The following ERN2 variants were observed in gnomAD, a reference collection of about 807,000 sequenced individuals.
ERN2 encodes endoplasmic reticulum to nucleus signaling 2, also known as serine/threonine-protein kinase/endoribonuclease IRE2.
A neutral mutation model predicts 107.9 loss-of-function variants in ERN2; 111 were observed. The observed-to-expected ratio is 1.03, with a 90% CI of 0.88 to 1.20. The LOEUF is 1.20. Ranked by LOEUF, ERN2 falls within the 50% of genes most tolerant of loss-of-function variation. The probability of loss-of-function intolerance (pLI) is 0.00; values close to 1 mark genes in which losing one functional copy is unlikely to be tolerated. For missense variants in ERN2, 1,225 were observed against 1,197.9 expected (o/e 1.02, Z -0.33); for synonymous variants, 524 against 501.7 (o/e 1.04, Z -0.59).
intron 19 of ERN2, 34 bp from the exon 20 acceptor site, chr16:23,691,459 G>C: frequency 2.5e-6 from 4 of 1,591,486 alleles, no homozygotes; most frequent in Non-Finnish European, 3.4e-6. Context: ...CCTTGTGACC[G>C]GGGCCAGAGG....
chr16:23,707,566 T>A (rs959218853), intron 4 of ERN2, among the ~76,000 whole-genome samples: 71 of 151,514 alleles, frequency 4.7e-4, no homozygotes, highest in Admixed American at 9.2e-4. Context: ...AAAAAAAAAA[T>A]TTGCTGAATA....
Position 23,710,920 on chromosome 16 carries a change from C to G in ERN2, c.192G>C (p.Leu64=). ...GGACCACCTCTTGCTCACCATCCCT[C>G]AGAGTCCACTTCAGGTCCCCTGTCT... ...SKQTGDLKWT[L]RDDPVIEGPM... is the part of the protein sequence containing the mutation. The change falls in exon 2 of 22, where the codon CTG becomes CTC. Residue 64 remains leucine (L), a synonymous_variant. Transcript: ENST00000256797. 6.2e-7 allele frequency: 1 copy of G among 1,612,816 alleles called. No individual in the cohort carries two copies. The highest frequency in any genetic ancestry group is 8.5e-7 in the Non-Finnish European group (1 of 1,178,766).
At chr16:23,710,488 C>T in intron 3 of ERN2, 28 bp downstream of exon 3, 1 of 1,613,186 alleles carries the variant, frequency 6.2e-7, no homozygotes, top group South Asian at 1.1e-5. Flanking sequence ...CAGAAGCCTC[C>T]TCCTTAAAAG....
chr16:23,700,391 G>T, intron 13 of ERN2, 148 bp downstream of exon 13: 2 of 737,766 alleles, frequency 2.7e-6, no homozygotes, highest in South Asian at 1.9e-5. Context: ...GCTCAATTAC[G>T]TAGCAGGCTC....
Position 23,706,764 on chromosome 16 carries a change from A to G in ERN2, c.477T>C (p.Ile159=), listed in dbSNP as rs749539284. Residue 159 remains isoleucine (I), a synonymous_variant, in exon 6 of 22, where the codon ATT becomes ATC. Transcript: ENST00000256797. ...TEGPSTPRLY[I]GRTQYTVTMH... ...TGGGGCCCAACTCACGTGTTCGGCC[A>G]ATGTAGAGGCGGGGGGTGGAGGGAC... is the stretch of plus-strand genomic sequence containing the variant. 15 of 1,606,634 alleles carry G rather than the reference A, an allele frequency of 9.3e-6. No homozygotes were observed. In the African/African-American group the frequency reaches 1.9e-4, roughly 20 times the overall value.
Position 23,705,018 on chromosome 16 carries a change from A to C in ERN2, c.719T>G (p.Leu240Arg). 2 of 1,613,950 alleles carry C rather than the reference A, an allele frequency of 1.2e-6. No individual in the cohort carries two copies. Among genetic ancestry groups the C allele is most frequent in the South Asian group, 1.1e-5 (1 of 91,078 alleles). Reference sequence around the variant, plus strand: ...CAGCGTGAGATGCGGCAGCTGGCGCAGGCCGTCCTGGTGCCAGGTGTAGAC... The same window carrying C: ...CAGCGTGAGATGCGGCAGCTGGCGCCGGCCGTCCTGGTGCCAGGTGTAGAC... ...MGVYTWHQDG[L>R]RQLPHLTLAR... Residue 240 changes from leucine to arginine, a missense_variant, in exon 8 of 22, where the codon CTG becomes CGG. Coordinates refer to ENST00000256797, the MANE Select transcript of ERN2 (RefSeq NM_033266.4).
chr16:23,695,368 T>A lies in ERN2; in HGVS notation c.1632A>T (p.Ala544=), dbSNP rs1315046110. The change falls in exon 15 of 22, where the codon GCA becomes GCT. Residue 544 remains alanine, a synonymous_variant. Coordinates refer to ENST00000256797, the MANE Select transcript of ERN2 (RefSeq NM_033266.4). ...CGCGGAGGAGCCGCTTGACAGCCACTGCCCGTCCCTCAAACTGTCCCCTGG... is the reference window on the plus strand; with the variant it reads ...CGCGGAGGAGCCGCTTGACAGCCACAGCCCGTCCCTCAAACTGTCCCCTGG... The part of the protein sequence containing the change: ...FVFRGQFEGR[A]VAVKRLLREC... 6.2e-7 allele frequency: 1 copy of A among 1,600,982 alleles called. No individual in the cohort carries two copies. Among genetic ancestry groups the A allele is most frequent in the Non-Finnish European group, 8.5e-7 (1 of 1,173,724 alleles).
At chr16:23,691,769 A>C (rs1038093148) in intron 19 of ERN2, among the ~76,000 whole-genome samples, 194 bp downstream of exon 19, 2 of 152,252 alleles carry the variant, frequency 1.3e-5, no homozygotes, top group African/African-American at 4.8e-5. Context: ...CAAAGCTGGC[A>C]GTGAATGGAC....
At chr16:23,704,420 T>C (rs1422825602) in intron 8 of ERN2, among the ~76,000 whole-genome samples, 5 of 152,130 alleles carry the variant, frequency 3.3e-5, no homozygotes, top group Non-Finnish European at 7.3e-5. Flanking sequence ...CAAGATCTGA[T>C]GGTTTTATAA....
At chr16:23,708,716 C>A (rs1435474772) in intron 4 of ERN2, among the ~76,000 whole-genome samples, 1 of 151,970 alleles carries the variant, frequency 6.6e-6, no homozygotes, top group African/African-American at 2.4e-5. Context: ...TGGGTGGCAC[C>A]TCCTCCCTTT....
rs771121347 is a variant in ERN2, at chr16:23,713,146, C to G, written c.42G>C (p.Leu14=). 1.3e-6 allele frequency: 2 copies of G among 1,573,986 alleles called. No individual in the cohort carries two copies. Among genetic ancestry groups the G allele is most frequent in the Non-Finnish European group, 1.7e-6 (2 of 1,165,716 alleles). ...GCGCCGCGAACTGGAGCTGGAGCCC[C>G]AGCCGGGGCCACGGCCTCGACCCCC... ...AVRGSRPWPR[L]GLQLQFAALL... is the part of the protein sequence containing the mutation. Residue 14 remains leucine (L), a synonymous_variant, in exon 1 of 22, where the codon CTG becomes CTC. Transcript: ENST00000256797.
At chr16:23,702,814 C>T (rs917090534) in intron 8 of ERN2, 112 bp from the exon 9 acceptor site, 22 of 908,184 alleles carry the variant, frequency 2.4e-5, no homozygotes, top group Non-Finnish European at 3.4e-5. Context: ...CTCAGCTTAG[C>T]CATGAGACTT....
Position 23,705,653 on chromosome 16 carries a change from T to G in ERN2, c.590-506A>C, listed in dbSNP as rs565208914. 2.6e-5 allele frequency among the ~76,000 whole-genome samples: 4 copies of G among 152,180 alleles called. No homozygotes were observed. The East Asian group carries it at 7.7e-4, about 29-fold the overall frequency. On this transcript the variant is annotated intron_variant, in intron 7 of 21. Transcript: ENST00000256797. ...GTGGGCCAGGTGTGGTGGCTTATGC[T>G]CGTAATCCCAGCACTTTGGGAAGCC...
intron 12 of ERN2, 118 bp downstream of exon 12, chr16:23,700,841 G>A (rs1053353294): frequency 4.1e-6 from 6 of 1,459,450 alleles, no homozygotes; most frequent in South Asian, 1.3e-5. Flanking sequence ...GGGAGCTGCT[G>A]GGAGGGAGGC....
At chr16:23,706,650 C>G in intron 6 of ERN2, 104 bp downstream of exon 6, 2 of 857,556 alleles carry the variant, frequency 2.3e-6, no homozygotes, top group Admixed American at 2.2e-5. Flanking sequence ...TGATGACTAA[C>G]AGACTGACTG....
intron 13 of ERN2, among the ~76,000 whole-genome samples, chr16:23,698,797 A>C (rs1242845714): frequency 6.6e-6 from 1 of 152,178 alleles, no homozygotes; most frequent in Admixed American, 6.5e-5. Context: ...CATGTTAGCC[A>C]TGCTGGTCTC....
intron 13 of ERN2, 64 bp from the exon 14 acceptor site, chr16:23,696,042 T>C (rs751652246): frequency 5.3e-5 from 65 of 1,238,020 alleles, no homozygotes; most frequent in Non-Finnish European, 7.3e-5. Flanking sequence ...ACTGGCCCAG[T>C]CCAGACTCAC....
chr16:23,701,799 T>C (rs80240856), intron 11 of ERN2, among the ~76,000 whole-genome samples: 1 of 151,906 alleles, frequency 6.6e-6, no homozygotes, highest in Non-Finnish European at 1.5e-5. Flanking sequence ...CCCACTAATT[T>C]TTTATTTTTA....
chr16:23,691,204 C>T lies in ERN2; in HGVS notation c.2501-8G>A, dbSNP rs750879291. 17 of 1,613,876 alleles carry T rather than the reference C, an allele frequency of 1.1e-5. No individual in the cohort carries two copies. In the East Asian group the frequency reaches 3.6e-4, roughly 34 times the overall value. ...ACCGGAACTTTCTCAGATCTGTGGA[C>T]AGGGAATTCAGTGGCAAAACCGTCC... On this transcript the variant is annotated splice_polypyrimidine_tract_variant and splice_region_variant and intron_variant, in intron 20 of 21. Coordinates refer to ENST00000256797, the MANE Select transcript of ERN2 (RefSeq NM_033266.4).
Sources: allele counts gnomAD v4.1 joint callset (sites outside exome capture counted in the v4.1 genomes callset), GRCh38; gene constraint gnomAD v4.1.1; transcripts MANE v1.5; gene names NCBI Gene and HGNC (gene_info 2026-07-23, HGNC 2026-07-21).